Variants in TAFA5 observed in about 807,000 individuals in gnomAD.
The protein encoded by TAFA5 is chemokine-like protein TAFA-5.
TAFA5 carries 6 observed loss-of-function variants against 15.3 expected under a neutral mutation model. The observed-to-expected ratio is 0.39, with a 90% CI of 0.21 to 0.77. TAFA5 has a LOEUF of 0.77. Among genes scored for constraint, TAFA5 ranks in the 30% least tolerant of loss-of-function variants. The pLI is 0.41. For missense variants in TAFA5, 161 were observed against 193.1 expected (o/e 0.83, Z 0.98); for synonymous variants, 103 against 80.7 (o/e 1.28, Z -1.48).
At chr22:48,539,576 C>T (rs372892084) in intron 1 of TAFA5, 1 of 438,596 alleles carries the variant, frequency 2.3e-6, no homozygotes. Context: ...AGCTAGGAGC[C>T]CCTCAGGTGG....
intron 1 of TAFA5, among the ~76,000 whole-genome samples, chr22:48,496,024 G>T (rs759032093): frequency 1.3e-5 from 2 of 152,212 alleles, no homozygotes; most frequent in Non-Finnish European, 2.9e-5. Flanking sequence ...TGCTCCTATC[G>T]CCCGTGAAGG....
At chr22:48,660,774 T>C (rs7290678) in intron 2 of TAFA5, among the ~76,000 whole-genome samples, 5,562 of 152,220 alleles carry the variant, frequency 0.037, 254 homozygotes, top group East Asian at 0.25. Context: ...GGGTCTCTCT[T>C]CTGTCAGCAG....
Position 48,574,283 on chromosome 22 carries a change from T to G in TAFA5, c.113-72314T>G, listed in dbSNP as rs917043905. 3.3e-5 allele frequency among the ~76,000 whole-genome samples: 5 copies of G among 152,088 alleles called. No homozygotes were observed. The East Asian group carries it at 7.7e-4, about 23-fold the overall frequency. On this transcript the variant is annotated intron_variant, in intron 1 of 3. Coordinates refer to ENST00000402357, the MANE Select transcript of TAFA5 (RefSeq NM_001082967.3). ...GGGACATTCTTGTCTCTCCTGGATG[T>G]TTTCGGGGGCAGGTGGAGGGTGATG...
In TAFA5 at chr22:48,519,405, C is replaced by T. The variant is rs548521219; in HGVS notation, c.112+29701C>T. Among the ~76,000 whole-genome samples the T allele has an allele frequency of 1.2e-4, 19 of 152,372 alleles. No homozygotes were observed. In the East Asian group the frequency reaches 2.5e-3, roughly 20 times the overall value. ...GGGCCACGCTTCTCAGACTCAGAAT[C>T]GGAGCGTCCATGAAACAGGCTGTGG... On this transcript the variant is annotated intron_variant, in intron 1 of 3. Coordinates refer to ENST00000402357, the MANE Select transcript of TAFA5 (RefSeq NM_001082967.3).
At chr22:48,612,842 A>G (rs1925461353) in intron 1 of TAFA5, among the ~76,000 whole-genome samples, 1 of 151,952 alleles carries the variant, frequency 6.6e-6, no homozygotes, top group African/African-American at 2.4e-5. Context: ...GGGTCCCTTG[A>G]GAGGGGGTTT....
intron 1 of TAFA5, among the ~76,000 whole-genome samples, chr22:48,514,806 G>C (rs1439294758): frequency 6.6e-6 from 1 of 152,270 alleles, no homozygotes; most frequent in African/African-American, 2.4e-5. Flanking sequence ...ATGTCTGGCA[G>C]CATCTGGGAA....
At chr22:48,729,837 A>G (rs1387832302) in intron 3 of TAFA5, among the ~76,000 whole-genome samples, 2 of 151,626 alleles carry the variant, frequency 1.3e-5, no homozygotes, top group Non-Finnish European at 2.9e-5. Context: ...AAGATAAAAA[A>G]GTTCCAATTA....
chr22:48,579,778 G>A (rs1923963965), intron 1 of TAFA5, among the ~76,000 whole-genome samples: 1 of 152,208 alleles, frequency 6.6e-6, no homozygotes. Context: ...CTTCAAAGAG[G>A]AAGGAATGCG....
chr22:48,698,111 GTGA>G (rs931712820), intron 2 of TAFA5, among the ~76,000 whole-genome samples: 9 of 150,402 alleles, frequency 6.0e-5, no homozygotes, highest in African/African-American at 2.0e-4. Context: ...GGTGGTGGTG[GTGA>G]TGATAGCGAT....
chr22:48,557,345 C>T (rs952701613), intron 1 of TAFA5, among the ~76,000 whole-genome samples: 1 of 152,258 alleles, frequency 6.6e-6, no homozygotes, highest in East Asian at 1.9e-4. Flanking sequence ...AGAGAGAAGA[C>T]GGCGTCCACA....
chr22:48,535,567 G>A (rs74572298), intron 1 of TAFA5, among the ~76,000 whole-genome samples: 2,056 of 151,840 alleles, frequency 0.014, 26 homozygotes, highest in Non-Finnish European at 0.022. Flanking sequence ...AAGCTGTGTG[G>A]GTATATGCAT....
chr22:48,646,193 G>T (rs897949028), intron 1 of TAFA5, among the ~76,000 whole-genome samples: 30 of 152,290 alleles, frequency 2.0e-4, no homozygotes, highest in African/African-American at 7.2e-4. Flanking sequence ...GGCACTTGGG[G>T]ATGGAGACCA....
chr22:48,548,093 C>T (rs1395517304), intron 1 of TAFA5, among the ~76,000 whole-genome samples: 1 of 152,222 alleles, frequency 6.6e-6, no homozygotes, highest in East Asian at 1.9e-4. Context: ...GCAGCTGGTG[C>T]TGCAGGTGCA....
At chr22:48,705,467 C>T (rs1929049146) in intron 2 of TAFA5, among the ~76,000 whole-genome samples, 1 of 152,186 alleles carries the variant, frequency 6.6e-6, no homozygotes, top group Non-Finnish European at 1.5e-5. Flanking sequence ...ACCTCCCAGA[C>T]CTGCCTCCCC....
chr22:48,676,852 TC>T (rs1927990098), intron 2 of TAFA5, among the ~76,000 whole-genome samples: 1 of 152,210 alleles, frequency 6.6e-6, no homozygotes, highest in Non-Finnish European at 1.5e-5. Context: ...AGTGGGATGC[TC>T]CTTGGACTAA....
intron 2 of TAFA5, among the ~76,000 whole-genome samples, chr22:48,696,003 G>T (rs1928699972): frequency 6.6e-6 from 1 of 152,206 alleles, no homozygotes; most frequent in African/African-American, 2.4e-5. Flanking sequence ...GGACTTCGAT[G>T]AGCTGGGTCA....
intron 1 of TAFA5, chr22:48,543,271 GC>G (rs1922528351): frequency 6.6e-6 from 1 of 152,182 alleles, no homozygotes; most frequent in South Asian, 2.1e-4. Flanking sequence ...AAGAGATGGG[GC>G]CCAAGTCGTT....
At chr22:48,734,085 G>T (rs1929942247) in intron 3 of TAFA5, among the ~76,000 whole-genome samples, 1 of 152,172 alleles carries the variant, frequency 6.6e-6, no homozygotes, top group Non-Finnish European at 1.5e-5. Context: ...TGACTTCCAA[G>T]CACATGTGTT....
intron 1 of TAFA5, chr22:48,576,462 G>A (rs1406375420): frequency 7.1e-7 from 1 of 1,410,812 alleles, no homozygotes; most frequent in Non-Finnish European, 9.4e-7. Context: ...GGGGGCGTCG[G>A]CCGAGTTGGG....
Sources: allele counts gnomAD v4.1 joint callset (sites outside exome capture counted in the v4.1 genomes callset), GRCh38; gene constraint gnomAD v4.1.1; transcripts MANE v1.5; gene names NCBI Gene and HGNC (gene_info 2026-07-23, HGNC 2026-07-21).